Variants in KLK9 observed in about 807,000 individuals in gnomAD.
The protein encoded by KLK9 is kallikrein-9.
KLK9 carries 26 observed loss-of-function variants against 23.3 expected under a neutral mutation model. The observed-to-expected ratio is 1.12, with a 90% confidence interval of 0.82 to 1.55. The LOEUF is 1.55. KLK9 is among the 40% of genes most tolerant of loss of function. The pLI, the probability that KLK9 is intolerant of heterozygous loss-of-function variation, is 0.00. For missense variants in KLK9, 346 were observed against 333.7 expected (o/e 1.04, Z -0.29); for synonymous variants, 122 against 128.5 (o/e 0.95, Z 0.34).
At position 51,006,104 on chromosome 19, in the gene KLK9, A is replaced by G. The variant is rs1007003933; in HGVS notation, c.466+354T>C. Reference sequence around the variant, plus strand: ...ACACCGCTGCACTCCAGCCTGAGCAACAAAGCGAGACCCTGTCTCAAAAAC... The same window carrying G: ...ACACCGCTGCACTCCAGCCTGAGCAGCAAAGCGAGACCCTGTCTCAAAAAC... On this transcript the variant is annotated intron_variant, in intron 3 of 4. Coordinates refer to ENST00000594211, the MANE Select transcript of KLK9 (RefSeq NM_012315.2). This position sits in a 1 kb window ranked among gnomAD's most constrained non-coding sequence, Gnocchi z 4.1. 1.1e-4 allele frequency among the ~76,000 whole-genome samples: 16 copies of G among 150,790 alleles called. 1 individual carries two copies. Among genetic ancestry groups the G allele is most frequent in the Non-Finnish European group, 1.9e-4 (13 of 67,666 alleles).
intron 2 of KLK9, among the ~76,000 whole-genome samples, chr19:51,008,581 G>T (rs927822181): frequency 1.3e-5 from 2 of 152,146 alleles, no homozygotes; most frequent in Non-Finnish European, 2.9e-5. Context: ...TTGAACACTT[G>T]AAATGTGGCT....
At chr19:51,003,306 A>G (rs1265808744) in intron 4 of KLK9, 46 bp from the exon 5 acceptor site, 1 of 1,571,800 alleles carries the variant, frequency 6.4e-7, no homozygotes, top group Non-Finnish European at 8.6e-7. Flanking sequence ...CACTCTGTTC[A>G]TGACAATTAC....
chr19:51,007,265 T>A (rs1243362272), intron 2 of KLK9, among the ~76,000 whole-genome samples: 1 of 151,892 alleles, frequency 6.6e-6, no homozygotes, highest in Admixed American at 6.6e-5. Context: ...CCTTCACCCT[T>A]CAATGCATGT....
intron 2 of KLK9, among the ~76,000 whole-genome samples, chr19:51,007,996 C>T (rs28492075): frequency 6.6e-6 from 1 of 151,912 alleles, no homozygotes; most frequent in Non-Finnish European, 1.5e-5. Flanking sequence ...TGAATTAAAT[C>T]TAAGATTTGA....
At chr19:51,004,093 T>G (rs573778904) in intron 3 of KLK9, among the ~76,000 whole-genome samples, 4 of 151,728 alleles carry the variant, frequency 2.6e-5, no homozygotes, top group African/African-American at 9.7e-5. Context: ...GTAATCCCAG[T>G]GTTTTGGAGG....
rs1251995988 is a variant in KLK9, at chr19:51,006,575, G to A, written c.349C>T (p.Leu117=). The stretch of plus-strand genomic sequence containing the variant: ...GGACTCAGACGTGCCTGCCTGGGCA[G>A]GCGGATCAGCATGATGTCATCATTG... ...DHNDDIMLIR[L]PRQARLSPAV... Residue 117 remains leucine, a synonymous_variant, in exon 3 of 5, where the codon CTG becomes TTG. Transcript: ENST00000594211. The surrounding 1 kb of genome is among the most constrained non-coding windows in gnomAD (Gnocchi z 4.1). The A allele has an allele frequency of 1.9e-6, 3 of 1,613,230 alleles. No individual in the cohort carries two copies. The African/African-American group carries it at 4.0e-5, about 22-fold the overall frequency.
Position 51,009,031 on chromosome 19 carries a change from T to C in KLK9, c.200+152A>G, listed in dbSNP as rs774766964. 134 of 847,248 alleles carry C rather than the reference T, an allele frequency of 1.6e-4. 4 individuals carry two copies. The Middle Eastern group carries it at 2.9e-3, about 18-fold the overall frequency. 52.5% of individuals were successfully genotyped at this position (847,248 alleles called of 1,614,324 possible). A position where few individuals can be genotyped will look rare whatever the true frequency, so the allele number is the denominator to read the frequency against. ...TGAGATATTGCTGGTCTCTAGAATT[T>C]TAGGATTTGGGAGGCTACCCTTCCT... On this transcript the variant is annotated intron_variant, in intron 2 of 4. Transcript: ENST00000594211. This position sits in a 1 kb window ranked among gnomAD's most constrained non-coding sequence, Gnocchi z 4.8.
Position 51,006,362 on chromosome 19 carries a change from G to T in KLK9, c.466+96C>A. 8.5e-7 allele frequency: 1 copy of T among 1,178,610 alleles called. No individual in the cohort carries two copies. The highest frequency in any genetic ancestry group is 1.2e-6 in the Non-Finnish European group (1 of 854,830). 73.0% of individuals were successfully genotyped at this position (1,178,610 alleles called of 1,614,324 possible). A position where few individuals can be genotyped will look rare whatever the true frequency, so the allele number is the denominator to read the frequency against. ...TGGCAGATAGATAGACTGACAGAGA[G>T]AGAGAGGAGAGAGAAAAGGAGAAGA... On this transcript the variant is annotated intron_variant, in intron 3 of 4. Coordinates refer to ENST00000594211, the MANE Select transcript of KLK9 (RefSeq NM_012315.2). This position sits in a 1 kb window ranked among gnomAD's most constrained non-coding sequence, Gnocchi z 4.1.
At position 51,003,094 on chromosome 19, in the gene KLK9, C is replaced by T; in HGVS notation, c.*17G>A. ...GGCCTCTCTTGGTCTTCCAAGGTGCCCCCGTGGCGCGCGGGCTCAGTTCTC... is the reference window on the plus strand; with the variant it reads ...GGCCTCTCTTGGTCTTCCAAGGTGCTCCCGTGGCGCGCGGGCTCAGTTCTC... On this transcript the variant is annotated 3_prime_UTR_variant, in exon 5 of 5. Transcript: ENST00000594211. 1 of 1,597,580 alleles carries T rather than the reference C, an allele frequency of 6.3e-7. No individual in the cohort carries two copies. Among genetic ancestry groups the T allele is most frequent in the South Asian group, 1.1e-5 (1 of 89,566 alleles).
At chr19:51,008,299 C>A (rs2122368004) in intron 2 of KLK9, among the ~76,000 whole-genome samples, 1 of 129,802 alleles carries the variant, frequency 7.7e-6, no homozygotes, top group South Asian at 2.5e-4. Flanking sequence ...GATTGTGCCA[C>A]TGCACTCCAG....
intron 3 of KLK9, among the ~76,000 whole-genome samples, chr19:51,005,428 T>G (rs1357512829): frequency 6.6e-6 from 1 of 151,678 alleles, no homozygotes; most frequent in African/African-American, 2.4e-5. Flanking sequence ...TTAAAGGAGG[T>G]CCCATCATGG....
intron 3 of KLK9, among the ~76,000 whole-genome samples, chr19:51,004,666 ACTCCAGCCTGGG>A (rs1342752951): frequency 8.7e-5 from 13 of 149,914 alleles, no homozygotes; most frequent in Non-Finnish European, 4.4e-5. Flanking sequence ...ACACCACTGC[ACTCCAGCCTGGG>A]CAACAAGAGC....
At chr19:51,008,609 G>A (rs1337475650) in intron 2 of KLK9, among the ~76,000 whole-genome samples, 5 of 152,100 alleles carry the variant, frequency 3.3e-5, no homozygotes, top group African/African-American at 1.2e-4. Flanking sequence ...TTTGTAACAG[G>A]CTATGTGTGT....
intron 2 of KLK9, among the ~76,000 whole-genome samples, chr19:51,007,289 A>C (rs892471187): frequency 2.0e-5 from 3 of 151,730 alleles, no homozygotes; most frequent in Non-Finnish European, 4.4e-5. Flanking sequence ...CCTGGTGTCT[A>C]ACCTTAAGCC....
chr19:51,009,388 G>A lies in KLK9; in HGVS notation c.44-49C>T, dbSNP rs761058524. 4 of 1,545,982 alleles carry A rather than the reference G, an allele frequency of 2.6e-6. No homozygotes were observed. The highest frequency in any genetic ancestry group is 1.9e-5 in the Admixed American group (1 of 51,894). On this transcript the variant is annotated intron_variant, in intron 1 of 4. Coordinates refer to ENST00000594211, the MANE Select transcript of KLK9 (RefSeq NM_012315.2). This position sits in a 1 kb window ranked among gnomAD's most constrained non-coding sequence, Gnocchi z 4.8. ...GGGGTCAGCGAAGAGCAGGCTGGGA[G>A]GGCAGGGAGAGGATGCTGAGAAGCC...
intron 3 of KLK9, among the ~76,000 whole-genome samples, chr19:51,005,060 A>G (rs562969048): frequency 6.8e-6 from 1 of 146,050 alleles, no homozygotes; most frequent in African/African-American, 2.8e-5. Flanking sequence ...GACTCAGCCC[A>G]ATGCTTGCTA....
intron 3 of KLK9, among the ~76,000 whole-genome samples, chr19:51,005,925 A>G (rs964891920): frequency 2.7e-5 from 4 of 147,646 alleles, no homozygotes; most frequent in Middle Eastern, 3.2e-3. Flanking sequence ...TAAAAATACA[A>G]AAAAAAAGAT....
Position 51,006,431 on chromosome 19 carries a change from C to G in KLK9, c.466+27G>C. On this transcript the variant is annotated intron_variant, in intron 3 of 4. Transcript: ENST00000594211. This position sits in a 1 kb window ranked among gnomAD's most constrained non-coding sequence, Gnocchi z 4.1. ...GACAGAGGGGTGAGGGAGCAAGTTTCAGAGAGAGTTCTGGGCCAGGTCATA... is the reference window on the plus strand; with the variant it reads ...GACAGAGGGGTGAGGGAGCAAGTTTGAGAGAGAGTTCTGGGCCAGGTCATA... 1.3e-6 allele frequency: 2 copies of G among 1,568,902 alleles called. No individual in the cohort carries two copies. The highest frequency in any genetic ancestry group is 1.7e-6 in the Non-Finnish European group (2 of 1,154,984).
In KLK9 at chr19:51,009,396, A is replaced by C; in HGVS notation, c.44-57T>G. 1 of 1,544,712 alleles carries C rather than the reference A, an allele frequency of 6.5e-7. No individual in the cohort carries two copies. Among genetic ancestry groups the C allele is most frequent in the Non-Finnish European group, 8.7e-7 (1 of 1,143,658 alleles). Reference sequence around the variant, plus strand: ...CGAAGAGCAGGCTGGGAGGGCAGGGAGAGGATGCTGAGAAGCCTAGAGGGC... The same window carrying C: ...CGAAGAGCAGGCTGGGAGGGCAGGGCGAGGATGCTGAGAAGCCTAGAGGGC... On this transcript the variant is annotated intron_variant, in intron 1 of 4. Coordinates refer to ENST00000594211, the MANE Select transcript of KLK9 (RefSeq NM_012315.2). This position sits in a 1 kb window ranked among gnomAD's most constrained non-coding sequence, Gnocchi z 4.8.
Sources: gnomAD v4.1 joint callset for allele counts (sites outside exome capture counted in the v4.1 genomes callset) on GRCh38, gnomAD v4.1.1 for gene constraint, Gnocchi (gnomAD v3.1) non-coding constraint, MANE v1.5 for transcripts, NCBI Gene and HGNC (gene_info 2026-07-23, HGNC 2026-07-21) for gene names.